The following ADAMTS18 variants were observed in gnomAD, a reference collection of about 807,000 sequenced individuals.
The protein encoded by ADAMTS18 is A disintegrin and metalloproteinase with thrombospondin motifs 18.
A neutral mutation model predicts 165.9 loss-of-function variants in ADAMTS18; 157 were observed. The ratio of observed to expected loss-of-function variants is 0.95; its 90% CI spans 0.83 to 1.08. ADAMTS18 has a LOEUF of 1.08. Ranked by LOEUF, ADAMTS18 falls within the 50% of genes least tolerant of loss-of-function variation. The pLI, the probability that ADAMTS18 is intolerant of heterozygous loss-of-function variation, is 0.00. For missense variants in ADAMTS18, 2,040 were observed against 1,534.0 expected, an observed-to-expected ratio of 1.33 and a Z score of -5.51; for synonymous variants, 782 against 578.2, an observed-to-expected ratio of 1.35 and a Z score of -5.06.
intron 3 of ADAMTS18, among the ~76,000 whole-genome samples, chr16:77,407,910 A>G (rs1489180137): frequency 6.6e-6 from 1 of 152,130 alleles, no homozygotes; most frequent in African/African-American, 2.4e-5. Flanking sequence ...AGAGACTGAT[A>G]AATTGCGAGA....
At chr16:77,327,041 T>C (rs1219047825) in intron 12 of ADAMTS18, among the ~76,000 whole-genome samples, 1 of 152,250 alleles carries the variant, frequency 6.6e-6, no homozygotes, top group Non-Finnish European at 1.5e-5. Context: ...TCTTTTGTTT[T>C]GGCTGCATAG....
At chr16:77,335,650 T>A (rs1159020179) in intron 12 of ADAMTS18, 106 bp downstream of exon 12, 1 of 1,365,184 alleles carries the variant, frequency 7.3e-7, no homozygotes, top group Non-Finnish European at 1.0e-6. Context: ...GTAGCCATAA[T>A]AATTAAAAAT....
intron 3 of ADAMTS18, among the ~76,000 whole-genome samples, chr16:77,386,164 C>T (rs1379283467): frequency 1.3e-5 from 2 of 152,156 alleles, no homozygotes; most frequent in African/African-American, 2.4e-5. Flanking sequence ...AGCAAGCTCC[C>T]TGGACAGCCT....
intron 3 of ADAMTS18, among the ~76,000 whole-genome samples, chr16:77,424,398 G>T (rs2057644766): frequency 1.3e-5 from 2 of 151,828 alleles, no homozygotes; most frequent in Admixed American, 6.6e-5. Flanking sequence ...AACCCGTGAG[G>T]CAGAGGTTGC....
In ADAMTS18 at chr16:77,335,869, C is replaced by G; in HGVS notation, c.1746G>C (p.Glu582Asp). ...CRQGQCVKFGELGPRPIHGQW... is the reference protein window; with the variant it reads ...CRQGQCVKFGDLGPRPIHGQW... Reference sequence around the variant, plus strand: ...GGCCGTGGATGGGCCGGGGCCCGAGCTCCCCAAACTTTACGCACTGGCCTT... The same window carrying G: ...GGCCGTGGATGGGCCGGGGCCCGAGGTCCCCAAACTTTACGCACTGGCCTT... The change falls in exon 12 of 23, where the codon GAG becomes GAC. Residue 582 changes from glutamate to aspartate, a missense_variant. By Grantham distance (45) the Glu-to-Asp change is conservative (BLOSUM62 2). Coordinates refer to ENST00000282849, the MANE Select transcript of ADAMTS18 (RefSeq NM_199355.4). The G allele has an allele frequency of 3.7e-6, 6 of 1,614,188 alleles. No homozygotes were observed. The highest frequency in any genetic ancestry group is 5.1e-6 in the Non-Finnish European group (6 of 1,180,040).
chr16:77,358,654 G>T (rs1054637194), intron 8 of ADAMTS18, among the ~76,000 whole-genome samples: 2 of 152,170 alleles, frequency 1.3e-5, no homozygotes, highest in Non-Finnish European at 2.9e-5. Flanking sequence ...TTAACTAGAT[G>T]CTTTGAAAAT....
chr16:77,295,428 C>T (rs1272997375), intron 18 of ADAMTS18, among the ~76,000 whole-genome samples: 1 of 152,176 alleles, frequency 6.6e-6, no homozygotes, highest in Non-Finnish European at 1.5e-5. Flanking sequence ...GGGATTTTAA[C>T]TATGTGTCAG....
intron 10 of ADAMTS18, among the ~76,000 whole-genome samples, chr16:77,345,194 C>T (rs1026381454): frequency 6.6e-6 from 1 of 152,148 alleles, no homozygotes; most frequent in East Asian, 1.9e-4. Flanking sequence ...ACCTGACATG[C>T]TGAAAATGTT....
chr16:77,381,539 C>T (rs1010834187), intron 3 of ADAMTS18, among the ~76,000 whole-genome samples: 1 of 152,138 alleles, frequency 6.6e-6, no homozygotes, highest in African/African-American at 2.4e-5. Context: ...TGGGGTGGCT[C>T]ACGCCTGTAA....
intron 8 of ADAMTS18, among the ~76,000 whole-genome samples, chr16:77,356,476 A>G (rs2056632087): frequency 6.6e-6 from 1 of 152,220 alleles, no homozygotes; most frequent in South Asian, 2.1e-4. Context: ...CAGAGTCAGT[A>G]GGAAGTAAGT....
chr16:77,393,576 G>C (rs1027865170), intron 3 of ADAMTS18, among the ~76,000 whole-genome samples: 5 of 152,154 alleles, frequency 3.3e-5, no homozygotes, highest in Non-Finnish European at 5.9e-5. Flanking sequence ...CCTTATAAAA[G>C]AGGTCCCAGA....
rs376810412 is a variant in ADAMTS18, at chr16:77,291,403, T to C, written c.3265A>G (p.Ile1089Val). The change falls in exon 21 of 23, where the codon ATA becomes GTA. Residue 1089 changes from isoleucine to valine, a missense_variant. Ile to Val is a conservative substitution (Grantham distance 29, BLOSUM62 3). Coordinates refer to ENST00000282849, the MANE Select transcript of ADAMTS18 (RefSeq NM_199355.4). ...CGGCATCTTCGCTCTGGGAAAGTTA[T>C]CAGCTTTCCCTGGAAGCCCTTCTCG... is the stretch of plus-strand genomic sequence containing the variant. The part of the protein sequence containing the change: ...CSEKGFQGKL[I>V]TFPERRCRNI... The C allele has an allele frequency of 3.8e-5, 62 of 1,614,086 alleles. No individual in the cohort carries two copies. Among genetic ancestry groups the C allele is most frequent in the Non-Finnish European group, 4.5e-5 (53 of 1,180,026 alleles).
At chr16:77,365,717 G>T (rs1028339685) in intron 4 of ADAMTS18, among the ~76,000 whole-genome samples, 2 of 152,194 alleles carry the variant, frequency 1.3e-5, no homozygotes, top group Non-Finnish European at 2.9e-5. Context: ...GCTCAGGGAA[G>T]TAACTGTGTA....
intron 16 of ADAMTS18, among the ~76,000 whole-genome samples, chr16:77,306,452 C>T (rs1259058088): frequency 6.6e-6 from 1 of 152,164 alleles, no homozygotes; most frequent in Admixed American, 6.5e-5. Flanking sequence ...TCAATAATCA[C>T]GGGTAAATGA....
intron 3 of ADAMTS18, among the ~76,000 whole-genome samples, chr16:77,384,924 T>C (rs2057084900): frequency 6.6e-6 from 1 of 152,018 alleles, no homozygotes; most frequent in Non-Finnish European, 1.5e-5. Context: ...TTTTTTTTTT[T>C]TCTGAGACAG....
chr16:77,356,180 T>C (rs1415115248), intron 8 of ADAMTS18, 103 bp from the exon 9 acceptor site: 1 of 1,459,992 alleles, frequency 6.8e-7, no homozygotes, highest in African/African-American at 1.4e-5. Context: ...CAAAACCAAG[T>C]GAGAGACAGA....
At position 77,312,927 on chromosome 16, in the gene ADAMTS18, C is replaced by T. The variant is rs899799138; in HGVS notation, c.2532+6922G>A. ...TTGAACTAGAAATACCATTTGACCC[C>T]GCAATCCCATTACTGGGTATATACC... On this transcript the variant is annotated intron_variant, in intron 16 of 22. Transcript: ENST00000282849. 9.9e-5 allele frequency among the ~76,000 whole-genome samples: 15 copies of T among 152,258 alleles called. No individual in the cohort carries two copies. In the East Asian group the frequency reaches 1.9e-3, roughly 20 times the overall value.
intron 3 of ADAMTS18, among the ~76,000 whole-genome samples, chr16:77,421,133 G>A (rs1440269675): frequency 6.6e-6 from 1 of 152,150 alleles, no homozygotes; most frequent in Admixed American, 6.5e-5. Context: ...GTAATAAGGG[G>A]CAGATAAAAT....
chr16:77,319,793 C>A, intron 16 of ADAMTS18, 56 bp downstream of exon 16: 1 of 1,612,602 alleles, frequency 6.2e-7, no homozygotes, highest in Non-Finnish European at 8.5e-7. Context: ...AAATTGCAGT[C>A]AACGATATAA....
Sources: gnomAD v4.1 joint callset for allele counts (sites outside exome capture counted in the v4.1 genomes callset) on GRCh38, gnomAD v4.1.1 for gene constraint, MANE v1.5 for transcripts, NCBI Gene and HGNC (gene_info 2026-07-23, HGNC 2026-07-21) for gene names.